ASIC2: variants seen among roughly 807,000 people sequenced by gnomAD.
ASIC2 encodes the protein acid sensing ion channel subunit 2, also known as acid-sensing ion channel 2.
Under a neutral mutation model 57.3 loss-of-function variants are expected in ASIC2, and 25 were observed. The observed-to-expected ratio is 0.44, with a 90% CI of 0.32 to 0.61. The LOEUF (loss-of-function observed/expected upper bound fraction) is 0.61. Ranked by LOEUF, ASIC2 falls within the 20% of genes least tolerant of loss-of-function variation. ASIC2 has a pLI of 0.06. For missense variants in ASIC2, 641 were observed against 738.1 expected, an observed-to-expected ratio of 0.87 and a Z score of 1.52; for synonymous variants, 319 against 307.5, an observed-to-expected ratio of 1.04 and a Z score of -0.39.
intron 1 of ASIC2, among the ~76,000 whole-genome samples, chr17:33,738,825 TAG>T (rs2142096190): frequency 6.6e-6 from 1 of 152,356 alleles, no homozygotes; most frequent in East Asian, 1.9e-4. Flanking sequence ...TTGTGTGGCT[TAG>T]GTGGCTTAAG....
intron 1 of ASIC2, among the ~76,000 whole-genome samples, chr17:33,410,651 C>T (rs1910627683): frequency 6.6e-6 from 1 of 152,316 alleles, no homozygotes; most frequent in East Asian, 1.9e-4. Flanking sequence ...TTCTTCTCCC[C>T]ATCTGCTGCC....
At chr17:34,053,815 A>T (rs1272289851) in intron 1 of ASIC2, among the ~76,000 whole-genome samples, 1 of 152,190 alleles carries the variant, frequency 6.6e-6, no homozygotes, top group Non-Finnish European at 1.5e-5. Context: ...GTCCATCTTT[A>T]AGGTGGAGGA....
chr17:33,414,324 A>T (rs1407333589), intron 1 of ASIC2, among the ~76,000 whole-genome samples: 5 of 152,092 alleles, frequency 3.3e-5, no homozygotes, highest in Non-Finnish European at 7.4e-5. Context: ...GGTAGAAAAG[A>T]GAGGATGCAG....
intron 1 of ASIC2, among the ~76,000 whole-genome samples, chr17:33,581,670 T>G (rs1904444917): frequency 6.6e-6 from 1 of 152,200 alleles, no homozygotes; most frequent in Admixed American, 6.5e-5. Context: ...CCTGTTCAGA[T>G]TCCTATTGGC....
intron 1 of ASIC2, among the ~76,000 whole-genome samples, chr17:33,902,650 C>T (rs1332512216): frequency 6.6e-6 from 1 of 152,242 alleles, no homozygotes; most frequent in Non-Finnish European, 1.5e-5. Flanking sequence ...AGGGAGTTAA[C>T]GGGGACTCCA....
intron 1 of ASIC2, among the ~76,000 whole-genome samples, chr17:33,506,811 C>A (rs1055732386): frequency 6.6e-6 from 1 of 152,140 alleles, no homozygotes; most frequent in African/African-American, 2.4e-5. Context: ...AAAAAAACAC[C>A]TCACCCTGTG....
intron 1 of ASIC2, among the ~76,000 whole-genome samples, chr17:33,807,775 G>A (rs945680736): frequency 6.6e-6 from 1 of 152,158 alleles, no homozygotes; most frequent in Non-Finnish European, 1.5e-5. Flanking sequence ...GAATTAATTT[G>A]CATTTGTCTG....
intron 1 of ASIC2, among the ~76,000 whole-genome samples, chr17:33,860,710 A>G (rs1184747258): frequency 2.0e-5 from 3 of 152,192 alleles, no homozygotes; most frequent in Non-Finnish European, 2.9e-5. Context: ...TTTCCATAGC[A>G]TGAATTGATT....
At position 33,864,798 on chromosome 17, in the gene ASIC2, G is replaced by T. The variant is rs193120608; in HGVS notation, c.555+291180C>A. Among the ~76,000 whole-genome samples the T allele has an allele frequency of 2.0e-3, 297 of 152,262 alleles. 5 individuals carry two copies. The highest frequency in any genetic ancestry group is 6.9e-3 in the African/African-American group (287 of 41,538). ...AGGCATAGTCATGGCCTACAAAACAGAGCATTAATAAAGATCACAAAGATA... is the reference window on the plus strand; with the variant it reads ...AGGCATAGTCATGGCCTACAAAACATAGCATTAATAAAGATCACAAAGATA... On this transcript the variant is annotated intron_variant, in intron 1 of 9. Transcript: ENST00000359872.
At chr17:33,947,938 A>T (rs192550318) in intron 1 of ASIC2, among the ~76,000 whole-genome samples, 1 of 152,344 alleles carries the variant, frequency 6.6e-6, no homozygotes, top group East Asian at 1.9e-4. Context: ...GGTATTTTAG[A>T]TGATTTATCT....
intron 1 of ASIC2, among the ~76,000 whole-genome samples, chr17:33,223,269 G>A (rs916297494): frequency 2.6e-5 from 4 of 151,484 alleles, no homozygotes; most frequent in Non-Finnish European, 4.4e-5. Flanking sequence ...TGCAACCTCC[G>A]CCTCCAGGGT....
intron 1 of ASIC2, 90 bp from the exon 2 acceptor site, chr17:33,112,157 C>T: frequency 7.1e-7 from 1 of 1,409,212 alleles, no homozygotes; most frequent in Non-Finnish European, 9.5e-7. Flanking sequence ...AATCTGACAG[C>T]AGGTCAGAGT....
chr17:33,968,079 G>A (rs953513988), intron 1 of ASIC2, among the ~76,000 whole-genome samples: 28 of 152,140 alleles, frequency 1.8e-4, no homozygotes, highest in African/African-American at 6.8e-4. Flanking sequence ...CCCGTATTGT[G>A]CCAAGGGTGG....
At chr17:34,099,027 G>A (rs1313682937) in intron 1 of ASIC2, among the ~76,000 whole-genome samples, 2 of 151,092 alleles carry the variant, frequency 1.3e-5, no homozygotes, top group East Asian at 3.9e-4. Context: ...GACTCTGGAG[G>A]ATGAGCAATA....
At chr17:33,326,616 C>A (rs564813206) in intron 1 of ASIC2, among the ~76,000 whole-genome samples, 1 of 152,318 alleles carries the variant, frequency 6.6e-6, no homozygotes, top group Admixed American at 6.5e-5. Flanking sequence ...ACTTCTCAAC[C>A]CAAACACCCC....
chr17:33,722,214 G>C (rs1909409560), intron 1 of ASIC2, among the ~76,000 whole-genome samples: 1 of 152,088 alleles, frequency 6.6e-6, no homozygotes, highest in Admixed American at 6.6e-5. Flanking sequence ...CTTTTAAAAA[G>C]GGGAGTTCCT....
At chr17:33,171,299 T>A (rs1266516318) in intron 1 of ASIC2, among the ~76,000 whole-genome samples, 2 of 152,364 alleles carry the variant, frequency 1.3e-5, no homozygotes, top group Non-Finnish European at 2.9e-5. Context: ...CTTCTCAGAA[T>A]TCTAGACTTG....
chr17:33,149,558 T>TTAA (rs1904702965), intron 1 of ASIC2, among the ~76,000 whole-genome samples: 1 of 152,242 alleles, frequency 6.6e-6, no homozygotes, highest in Non-Finnish European at 1.5e-5. Context: ...TAGTAGATGC[T>TTAA]TAATAAACAT....
intron 3 of ASIC2, among the ~76,000 whole-genome samples, chr17:33,077,975 C>G (rs1567736295): frequency 6.6e-6 from 1 of 151,962 alleles, no homozygotes; most frequent in Non-Finnish European, 1.5e-5. Flanking sequence ...CTCTATAGGC[C>G]CTTTTTCCCC....
Sources: allele counts gnomAD v4.1 joint callset (sites outside exome capture counted in the v4.1 genomes callset), GRCh38; gene constraint gnomAD v4.1.1; transcripts MANE v1.5; gene names NCBI Gene and HGNC (gene_info 2026-07-23, HGNC 2026-07-21).